The following ADAMTS7 variants were observed in gnomAD, a reference collection of about 807,000 sequenced individuals.
ADAMTS7 encodes A disintegrin and metalloproteinase with thrombospondin motifs 7.
In ADAMTS7, 89 loss-of-function variants were observed where a neutral mutation model predicts 172.6. The ratio of observed to expected loss-of-function variants is 0.52; its 90% CI spans 0.43 to 0.61. ADAMTS7 has a LOEUF of 0.61. Among genes scored for constraint, ADAMTS7 ranks in the 20% least tolerant of loss-of-function variants. The probability of loss-of-function intolerance (pLI) is 0.00; values close to 1 mark genes in which losing one functional copy is unlikely to be tolerated. For missense variants in ADAMTS7, 1,973 were observed against 2,355.6 expected (o/e 0.84, Z 3.36); for synonymous variants, 885 against 978.4 (o/e 0.90, Z 1.78).
In ADAMTS7 at chr15:78,776,252, A is replaced by T; in HGVS notation, c.1642T>A (p.Ser548Thr). ...DGGWSGWSAW[S>T]ICSRSCGMGV... ...ATGCCACAGCTCCGTGAGCAGATGG[A>T]CCAGGCGCTCCAGCCAGACCAGCCA... is the stretch of plus-strand genomic sequence containing the variant. The change falls in exon 11 of 24, where the codon TCC (serine) becomes ACC (threonine). Residue 548 changes from serine to threonine, a missense_variant. Transcript: ENST00000388820. The T allele has an allele frequency of 1.2e-6, 2 of 1,611,696 alleles. No individual in the cohort carries two copies. The highest frequency in any genetic ancestry group is 1.7e-6 in the Non-Finnish European group (2 of 1,179,828).
rs143622276 is a variant in ADAMTS7, at chr15:78,798,083, A to G, written c.487T>C (p.Tyr163His). Residue 163 changes from tyrosine to histidine, a missense_variant, in exon 3 of 24, where the codon TAC becomes CAC. Tyr to His is a moderately conservative substitution (Grantham distance 83, BLOSUM62 2). Transcript: ENST00000388820. ...KGVFQLSNED[Y>H]FIEPLDSAPA... ...GCACTGTCCAGGGGCTCAATGAAGT[A>G]GTCCTCGTTGGAGAGCTGGAACACA... is the stretch of plus-strand genomic sequence containing the variant. 13 of 1,561,626 alleles carry G rather than the reference A, an allele frequency of 8.3e-6. No individual in the cohort carries two copies. Among genetic ancestry groups the G allele is most frequent in the East Asian group, 4.9e-5 (2 of 41,228 alleles).
chr15:78,772,658 G>C (rs972910279), intron 14 of ADAMTS7, among the ~76,000 whole-genome samples: 2 of 152,238 alleles, frequency 1.3e-5, no homozygotes, highest in Non-Finnish European at 2.9e-5. Context: ...CACTGCACTG[G>C]TCACACCAAA....
At position 78,777,395 on chromosome 15, in the gene ADAMTS7, C is replaced by T. The variant is rs773998378; in HGVS notation, c.1467+49G>A. On this transcript the variant is annotated intron_variant, in intron 9 of 23. Transcript: ENST00000388820. ...GGGCTGGTGAGAGCTGCCCCCTGAG[C>T]CCTCCTGCCGGGTCCCCACACCCCC... is the stretch of plus-strand genomic sequence containing the variant. The T allele has an allele frequency of 4.4e-6, 7 of 1,587,218 alleles. No homozygotes were observed. The South Asian group carries it at 8.0e-5, about 18-fold the overall frequency.
Position 78,762,935 on chromosome 15 carries a change from G to A in ADAMTS7, c.4741-370C>T, listed in dbSNP as rs556473169. ...ATGTGGGCGAGACACCGCTGTGCCCGAGGGACAGGGCAGAGGACCTGCCGC... is the reference window on the plus strand; with the variant it reads ...ATGTGGGCGAGACACCGCTGTGCCCAAGGGACAGGGCAGAGGACCTGCCGC... On this transcript the variant is annotated intron_variant, in intron 22 of 23. Coordinates refer to ENST00000388820, the MANE Select transcript of ADAMTS7 (RefSeq NM_014272.5). Among the ~76,000 whole-genome samples the A allele has an allele frequency of 1.5e-4, 23 of 152,302 alleles. No homozygotes were observed. In the South Asian group the frequency reaches 1.7e-3, roughly 11 times the overall value.
At chr15:78,778,700 G>C (rs1359818695) in intron 8 of ADAMTS7, among the ~76,000 whole-genome samples, 2 of 152,174 alleles carry the variant, frequency 1.3e-5, no homozygotes, top group East Asian at 1.9e-4. Flanking sequence ...AGAGGAGATG[G>C]GGAGGCACAA....
chr15:78,771,492 G>A lies in ADAMTS7; in HGVS notation c.2376+93C>T. 1 of 1,539,506 alleles carries A rather than the reference G, an allele frequency of 6.5e-7. No homozygotes were observed. The highest frequency in any genetic ancestry group is 8.7e-7 in the Non-Finnish European group (1 of 1,145,792). On this transcript the variant is annotated intron_variant, in intron 15 of 23. Coordinates refer to ENST00000388820, the MANE Select transcript of ADAMTS7 (RefSeq NM_014272.5). This position sits in a 1 kb window ranked among gnomAD's most constrained non-coding sequence, Gnocchi z 4.9. ...AGCCAGGCTCTGTGACTGAACCAGG[G>A]CTCACTCCTCCAGGACGAGACCTGC...
chr15:78,774,349 T>A (rs1424064976), intron 12 of ADAMTS7, 49 bp from the exon 13 acceptor site: 2 of 1,507,574 alleles, frequency 1.3e-6, no homozygotes, highest in Non-Finnish European at 1.8e-6. Context: ...GGCGGGAGTA[T>A]GGAGGCCACC....
intron 8 of ADAMTS7, among the ~76,000 whole-genome samples, chr15:78,784,686 GAGAA>G (rs905527211): frequency 2.6e-5 from 4 of 152,020 alleles, no homozygotes; most frequent in South Asian, 2.1e-4. Context: ...AAAAGAGAGA[GAGAA>G]AGAGAGAGAG....
chr15:78,763,555 A>G (rs1410319779), intron 22 of ADAMTS7, 144 bp downstream of exon 22: 1 of 1,160,150 alleles, frequency 8.6e-7, no homozygotes, highest in African/African-American at 1.6e-5. Flanking sequence ...AGGTGTGAGC[A>G]CCAGCCGGGC....
rs76784555 is a variant in ADAMTS7 at position 78,766,103 on chromosome 15, G to C, written c.3808C>G (p.Pro1270Ala). The C allele has an allele frequency of 6.2e-7, 1 of 1,606,478 alleles. No individual in the cohort carries two copies. Among genetic ancestry groups the C allele is most frequent in the Non-Finnish European group, 8.5e-7 (1 of 1,179,750 alleles). The change falls in exon 19 of 24, where the codon CCA becomes GCA. Residue 1270 changes from proline (P) to alanine (A), a missense_variant. This residue lies in a region of ADAMTS7 where 771 missense variants were observed against 952.6 expected (regional missense o/e 0.81). Transcript: ENST00000388820. Reference protein sequence around the residue: ...LWTGGTVAWEPALEGGLGPVD... With the variant: ...LWTGGTVAWEAALEGGLGPVD... ...GGCCCCAGGCCACCCTCCAGAGCTG[G>C]CTCCCAGGCCACTGTGCCTCCTGTC... is the stretch of plus-strand genomic sequence containing the variant.
At position 78,777,262 on chromosome 15, in the gene ADAMTS7, T is replaced by G. The variant is rs1012092940; in HGVS notation, c.1467+182A>C. The G allele has an allele frequency of 1.2e-4, 101 of 838,830 alleles. 4 individuals are homozygous for G. Among genetic ancestry groups the G allele is most frequent in the African/African-American group, 1.4e-4 (8 of 58,374 alleles). The allele number at this position is 838,830 out of a possible 1,614,324, so 52.0% of individuals were successfully genotyped here. A position where few individuals can be genotyped will look rare whatever the true frequency, so the allele number is the denominator to read the frequency against. On this transcript the variant is annotated intron_variant, in intron 9 of 23. Transcript: ENST00000388820. ...GGTTGACCCAGAATTCAGAGCTGGG[T>G]CTGTGGCCGCCCATCCCTGGCCTCT...
At chr15:78,798,328 C>A (rs1410405043) in intron 2 of ADAMTS7, among the ~76,000 whole-genome samples, 1 of 152,192 alleles carries the variant, frequency 6.6e-6, no homozygotes, top group African/African-American at 2.4e-5. Context: ...ACAGCCAAAC[C>A]TTCAAAGCGG....
chr15:78,789,925 T>C (rs1474561262), intron 6 of ADAMTS7, 87 bp from the exon 7 acceptor site: 3 of 1,484,450 alleles, frequency 2.0e-6, no homozygotes, highest in African/African-American at 1.4e-5. Flanking sequence ...TCCCCCCGAA[T>C]TGATCCCAAG....
In ADAMTS7 at chr15:78,796,644, C is replaced by A; in HGVS notation, c.765G>T (p.Val255=). ...CAACCTGCGGCTGTCCGTGGTACTC[C>A]ACCATTTTGGCATCAGCTACTACCA... ...ETLVVADAKM[V]EYHGQPQVES... The change falls in exon 4 of 24, where the codon GTG becomes GTT. Residue 255 remains valine, a synonymous_variant. Transcript: ENST00000388820. 6.2e-7 allele frequency: 1 copy of A among 1,614,162 alleles called. No individual in the cohort carries two copies. The highest frequency in any genetic ancestry group is 1.1e-5 in the South Asian group (1 of 91,082).
chr15:78,798,050 G>A lies in ADAMTS7; in HGVS notation c.520C>T (p.Arg174Trp), dbSNP rs144276038. Residue 174 changes from arginine (R) to tryptophan (W), a missense_variant, in exon 3 of 24, where the codon CGG (arginine) becomes TGG (tryptophan). By Grantham distance (101) the Arg-to-Trp change is moderately radical. Around this residue, in one of 8 missense-constraint regions of ADAMTS7, gnomAD observed 306 missense variants for 288.0 expected, o/e 1.06. Coordinates refer to ENST00000388820, the MANE Select transcript of ADAMTS7 (RefSeq NM_014272.5). ...FIEPLDSAPA[R>W]PGHAQPHVVY... ...ACATGGGGCTGGGCGTGGCCAGGCC[G>A]GGCCGGGGCACTGTCCAGGGGCTCA... The A allele has an allele frequency of 1.9e-5, 30 of 1,570,130 alleles. No individual in the cohort carries two copies. Among genetic ancestry groups the A allele is most frequent in the Non-Finnish European group, 2.4e-5 (28 of 1,165,502 alleles).
At chr15:78,761,446 C>G (rs534647736) in intron 23 of ADAMTS7, among the ~76,000 whole-genome samples, 1 of 152,194 alleles carries the variant, frequency 6.6e-6, no homozygotes, top group Non-Finnish European at 1.5e-5. Context: ...CCTGACCTTG[C>G]AATTGGGGAT....
intron 1 of ADAMTS7, among the ~76,000 whole-genome samples, chr15:78,809,391 G>A (rs1355679244): frequency 2.0e-5 from 3 of 152,110 alleles, no homozygotes; most frequent in Non-Finnish European, 2.9e-5. Context: ...AGGACCCCAT[G>A]CTCTATATCT....
intron 8 of ADAMTS7, 122 bp downstream of exon 8, chr15:78,788,109 T>G (rs1258184719): frequency 6.0e-6 from 8 of 1,326,080 alleles, no homozygotes; most frequent in Non-Finnish European, 8.3e-6. Flanking sequence ...TGACCTCATG[T>G]ATCAAGATCT....
rs933570752 is a variant in ADAMTS7 at position 78,759,283 on chromosome 15, T to C, written c.*138A>G. On this transcript the variant is annotated 3_prime_UTR_variant, in exon 24 of 24. Coordinates refer to ENST00000388820, the MANE Select transcript of ADAMTS7 (RefSeq NM_014272.5). The stretch of plus-strand genomic sequence containing the variant: ...CTGTTAGAATAAAAAAATACCTTTT[T>C]TGAGGGGGAGGAGGTCCCCAGCCTG... 8.1e-5 allele frequency: 58 copies of C among 718,822 alleles called. No individual in the cohort carries two copies. Among genetic ancestry groups the C allele is most frequent in the Non-Finnish European group, 1.1e-4 (54 of 478,842 alleles). The allele number at this position is 718,822 out of a possible 1,614,324, so 44.5% of individuals were successfully genotyped here.
Sources: gnomAD v4.1 joint callset for allele counts (sites outside exome capture counted in the v4.1 genomes callset) on GRCh38, gnomAD v4.1.1 for gene constraint, gnomAD v4.1.1 regional missense constraint, Gnocchi (gnomAD v3.1) non-coding constraint, MANE v1.5 for transcripts, NCBI Gene and HGNC (gene_info 2026-07-23, HGNC 2026-07-21) for gene names.